Variants in PDK2 observed in about 807,000 individuals in gnomAD.
PDK2 encodes pyruvate dehydrogenase kinase 2, also known as pyruvate dehydrogenase kinase, isozyme 2.
PDK2 carries 34 observed loss-of-function variants against 50.4 expected under a neutral mutation model. That is an observed-to-expected ratio of 0.68 (90% CI 0.51 to 0.90). The LOEUF is 0.90. PDK2 is among the 40% of genes least tolerant of loss of function. The probability of loss-of-function intolerance (pLI) is 0.00; values close to 1 mark genes in which losing one functional copy is unlikely to be tolerated. For missense variants in PDK2, 377 were observed against 544.5 expected, an observed-to-expected ratio of 0.69 and a Z score of 3.06; for synonymous variants, 232 against 216.0, an observed-to-expected ratio of 1.07 and a Z score of -0.65.
chr17:50,110,320 G>T lies in PDK2; in HGVS notation c.*223G>T. On this transcript the variant is annotated 3_prime_UTR_variant, in exon 11 of 11. Coordinates refer to ENST00000503176, the MANE Select transcript of PDK2 (RefSeq NM_002611.5). ...TGGCCTCCCTATCTCTGTGGGCGAT[G>T]CCTGAGGGTTAGGGATGTCTCCACC... The T allele has an allele frequency of 2.3e-6, 1 of 441,496 alleles. No homozygotes were observed. Among genetic ancestry groups the T allele is most frequent in the South Asian group, 5.0e-5 (1 of 20,136 alleles). 27.3% of individuals were successfully genotyped at this position (441,496 alleles called of 1,614,324 possible). A position where few individuals can be genotyped will look rare whatever the true frequency, so the allele number is the denominator to read the frequency against.
chr17:50,108,389 C>T lies in PDK2; in HGVS notation c.833C>T (p.Ala278Val), dbSNP rs1377439152. 1 of 1,613,830 alleles carries T rather than the reference C, an allele frequency of 6.2e-7. No homozygotes were observed. Among genetic ancestry groups the T allele is most frequent in the Non-Finnish European group, 8.5e-7 (1 of 1,179,746 alleles). The change falls in exon 8 of 11, where the codon GCC becomes GTC. Residue 278 changes from alanine to valine, a missense_variant. Physicochemically the swap from Ala to Val is moderately conservative, Grantham distance 64. Around this residue, in one of 3 missense-constraint regions of PDK2, gnomAD observed 214 missense variants for 294.0 expected, o/e 0.73. Transcript: ENST00000503176. ...CTCCCACCCATCAAGGTCATGGTGG[C>T]CTTGGGTGAGGAAGATCTGTCCATC... is the stretch of plus-strand genomic sequence containing the variant. ...LILPPIKVMVALGEEDLSIKM... is the reference protein window; with the variant it reads ...LILPPIKVMVVLGEEDLSIKM...
At position 50,108,351 on chromosome 17, in the gene PDK2, G is replaced by C. The variant is rs576054151; in HGVS notation, c.795G>C (p.Glu265Asp). 2.2e-5 allele frequency: 35 copies of C among 1,614,154 alleles called. No individual in the cohort carries two copies. In the South Asian group the frequency reaches 3.7e-4, roughly 17 times the overall value. Reference protein sequence around the residue: ...NAMRATVESHESSLILPPIKV... With the variant: ...NAMRATVESHDSSLILPPIKV... The stretch of plus-strand genomic sequence containing the variant: ...TGAGGGCGACTGTGGAAAGCCATGA[G>C]TCCAGCCTCATTCTCCCACCCATCA... The change falls in exon 8 of 11, where the codon GAG becomes GAC. Residue 265 changes from glutamate (E) to aspartate (D), a missense_variant. This residue lies in a region of PDK2 where 214 missense variants were observed against 294.0 expected (regional missense o/e 0.73). Transcript: ENST00000503176.
At position 50,110,153 on chromosome 17, in the gene PDK2, C is replaced by A; in HGVS notation, c.*56C>A. 1.3e-6 allele frequency: 2 copies of A among 1,504,296 alleles called. No homozygotes were observed. Among genetic ancestry groups the A allele is most frequent in the South Asian group, 1.3e-5 (1 of 77,852 alleles). 93.2% of individuals were successfully genotyped at this position (1,504,296 alleles called of 1,614,324 possible). A position where few individuals can be genotyped will look rare whatever the true frequency, so the allele number is the denominator to read the frequency against. On this transcript the variant is annotated 3_prime_UTR_variant, in exon 11 of 11. Transcript: ENST00000503176. ...GGACTGCCGCCTCTGGGTCCCCCCA[C>A]CGTGGTGCCCCTCACCATCCTCCTG...
At position 50,108,191 on chromosome 17, in the gene PDK2, G is replaced by T; in HGVS notation, c.721G>T (p.Val241Phe). Reference sequence around the variant, plus strand: ...CAAACAGCCGATTCACATGGTCTACGTCCCCTCCCACCTCTACCACATGCT... The same window carrying T: ...CAAACAGCCGATTCACATGGTCTACTTCCCCTCCCACCTCTACCACATGCT... Reference protein sequence around the residue: ...NSKQPIHMVYVPSHLYHMLFE... With the variant: ...NSKQPIHMVYFPSHLYHMLFE... The change falls in exon 7 of 11, where the codon GTC becomes TTC. Residue 241 changes from valine to phenylalanine, a missense_variant. By Grantham distance (50) the Val-to-Phe change is conservative (BLOSUM62 -1). Coordinates refer to ENST00000503176, the MANE Select transcript of PDK2 (RefSeq NM_002611.5). 6.3e-7 allele frequency: 1 copy of T among 1,598,130 alleles called. No homozygotes were observed. Among genetic ancestry groups the T allele is most frequent in the Admixed American group, 1.7e-5 (1 of 57,892 alleles).
At position 50,110,015 on chromosome 17, in the gene PDK2, A is replaced by G. The variant is rs1335841545; in HGVS notation, c.1142A>G (p.His381Arg). The G allele has an allele frequency of 6.2e-7, 1 of 1,605,486 alleles. No individual in the cohort carries two copies. The highest frequency in any genetic ancestry group is 8.5e-7 in the Non-Finnish European group (1 of 1,176,424). ...GTCTACAACAAGTCAGCCTGGCGCC[A>G]CTACCAGACCATCCAGGAGGCCGGC... ...LPVYNKSAWR[H>R]YQTIQEAGDW... Residue 381 changes from histidine (H) to arginine (R), a missense_variant, in exon 11 of 11, where the codon CAC (histidine) becomes CGC (arginine). By Grantham distance (29) the His-to-Arg change is conservative (BLOSUM62 0). Transcript: ENST00000503176.
rs1004378550 is a variant in PDK2 at position 50,109,057 on chromosome 17, T to G, written c.970-230T>G. ...GGGCCTGCTCTGACTTCCTGGCCCC[T>G]GAGCGGAACTCCTCTCTCTGCCCAA... On this transcript the variant is annotated intron_variant, in intron 9 of 10. Coordinates refer to ENST00000503176, the MANE Select transcript of PDK2 (RefSeq NM_002611.5). The surrounding 1 kb of genome is among the most constrained non-coding windows in gnomAD (Gnocchi z 5.0). Among the ~76,000 whole-genome samples, 1 of 152,118 alleles carries G rather than the reference T, an allele frequency of 6.6e-6. No homozygotes were observed. The highest frequency in any genetic ancestry group is 1.5e-5 in the Non-Finnish European group (1 of 67,998).
At chr17:50,097,861 C>A in intron 2 of PDK2, 1 of 325,074 alleles carries the variant, frequency 3.1e-6, no homozygotes, top group Non-Finnish European at 5.8e-6. Flanking sequence ...CCAATTCAGG[C>A]TGATGTCAGC....
Position 50,095,526 on chromosome 17 carries a change from C to T in PDK2, c.91C>T (p.Leu31=). 1.2e-6 allele frequency: 2 copies of T among 1,607,136 alleles called. No individual in the cohort carries two copies. The highest frequency in any genetic ancestry group is 8.5e-7 in the Non-Finnish European group (1 of 1,176,906). The change falls in exon 1 of 11, where the codon CTG becomes TTG. Residue 31 remains leucine, a synonymous_variant. Coordinates refer to ENST00000503176, the MANE Select transcript of PDK2 (RefSeq NM_002611.5). ...CTTCAGCAAGTTCTCCCCGTCCCCG[C>T]TGTCCATGAAGCAGTTTCTGGACTT... ...EHFSKFSPSP[L]SMKQFLDFGS...
intron 1 of PDK2, among the ~76,000 whole-genome samples, 176 bp from the exon 2 acceptor site, chr17:50,097,247 G>C (rs1050939441): frequency 1.3e-5 from 2 of 152,168 alleles, no homozygotes; most frequent in African/African-American, 4.8e-5. Context: ...TGAAGTGTTA[G>C]GCATGGGGTG....
chr17:50,108,559 G>A (rs1334209301), intron 8 of PDK2, 53 bp from the exon 9 acceptor site: 33 of 1,452,898 alleles, frequency 2.3e-5, no homozygotes, highest in Middle Eastern at 1.7e-4. Context: ...GGTATTGGGC[G>A]GGGTGGGGAA....
chr17:50,109,738 G>A lies in PDK2; in HGVS notation c.1084-219G>A, dbSNP rs2144378258. Among the ~76,000 whole-genome samples, 1 of 152,222 alleles carries A rather than the reference G, an allele frequency of 6.6e-6. No homozygotes were observed. The highest frequency in any genetic ancestry group is 2.4e-5 in the African/African-American group (1 of 41,540). ...GGCCCGGAGTCCGTGACTTGCTCAG[G>A]GTCACACAGCCCAGCCTCCTCCCCC... is the stretch of plus-strand genomic sequence containing the variant. On this transcript the variant is annotated intron_variant, in intron 10 of 10. Transcript: ENST00000503176. The surrounding 1 kb of genome is among the most constrained non-coding windows in gnomAD (Gnocchi z 5.0).
Position 50,106,805 on chromosome 17 carries a change from GAT to G in PDK2, c.530_531del (p.Asp177GlyfsTer22). The G allele has an allele frequency of 6.2e-7, 1 of 1,614,102 alleles. No individual in the cohort carries two copies. The highest frequency in any genetic ancestry group is 8.5e-7 in the Non-Finnish European group (1 of 1,179,998). On this transcript the variant is annotated frameshift_variant, in exon 5 of 11. Transcript: ENST00000503176. LOFTEE classifies it high-confidence loss of function. ...MLINQHTLIF[D>X]GSTNPAHPKH... The stretch of plus-strand genomic sequence containing the variant: ...CTTCCTGCCTGCAGCCCTCATCTTT[GAT>G]GGCAGCACCAACCCAGCCCATCCCA...
At position 50,108,314 on chromosome 17, in the gene PDK2, C is replaced by T. The variant is rs201070337; in HGVS notation, c.763-5C>T. 1,114 of 1,613,180 alleles carry T rather than the reference C, an allele frequency of 6.9e-4. 11 individuals are homozygous for T. In the African/African-American group the frequency reaches 0.013, roughly 18 times the overall value. ...CATGCATCTCTTACCTCTGCCCCTC[C>T]GCAGAATGCCATGAGGGCGACTGTG... On this transcript the variant is annotated splice_polypyrimidine_tract_variant and splice_region_variant and intron_variant, in intron 7 of 10. Transcript: ENST00000503176.
chr17:50,108,843 C>G (rs2144375201), intron 9 of PDK2, 124 bp downstream of exon 9: 1 of 657,772 alleles, frequency 1.5e-6, no homozygotes, highest in African/African-American at 1.8e-5. Context: ...TGTCTTGAAT[C>G]TGGGCCCCCG....
chr17:50,108,792 C>T (rs1376837343), intron 9 of PDK2, 73 bp downstream of exon 9: 3 of 918,430 alleles, frequency 3.3e-6, no homozygotes, highest in African/African-American at 1.6e-5. Context: ...CCTTATCTCC[C>T]TGCTCACTCA....
At chr17:50,099,399 A>G (rs1171447622) in intron 2 of PDK2, among the ~76,000 whole-genome samples, 1 of 152,190 alleles carries the variant, frequency 6.6e-6, no homozygotes, top group Non-Finnish European at 1.5e-5. Context: ...TGACACAGAT[A>G]AGAGGTTGGC....
Position 50,105,984 on chromosome 17 carries a change from C to T in PDK2, c.432C>T (p.Asp144=). 1 of 1,611,950 alleles carries T rather than the reference C, an allele frequency of 6.2e-7. No individual in the cohort carries two copies. The highest frequency in any genetic ancestry group is 8.5e-7 in the Non-Finnish European group (1 of 1,179,116). Residue 144 remains aspartate (D), a synonymous_variant, in exon 4 of 11, where the codon GAC becomes GAT. Transcript: ENST00000503176. The part of the protein sequence containing the change: ...VLEYKDTYGD[D]PVSNQNIQYF... ...AGTACAAGGACACCTACGGCGATGA[C>T]CCCGTCTCCAACCAGAACATCCAGT...
chr17:50,108,408 G>A lies in PDK2; in HGVS notation c.852G>A (p.Leu284=). 2 of 1,612,534 alleles carry A rather than the reference G, an allele frequency of 1.2e-6. No homozygotes were observed. The highest frequency in any genetic ancestry group is 1.7e-6 in the Non-Finnish European group (2 of 1,178,554). The change falls in exon 8 of 11, where the codon CTG becomes CTA. Residue 284 remains leucine, a synonymous_variant. Transcript: ENST00000503176. The stretch of plus-strand genomic sequence containing the variant: ...TGGTGGCCTTGGGTGAGGAAGATCT[G>A]TCCATCAAGGTATGTGACCCTTTGA... ...KVMVALGEED[L]SIKMSDRGGG... is the part of the protein sequence containing the mutation.
chr17:50,102,336 C>T (rs373459840), intron 2 of PDK2, among the ~76,000 whole-genome samples: 8 of 152,234 alleles, frequency 5.3e-5, no homozygotes, highest in East Asian at 1.9e-4. Flanking sequence ...TCAGTGGCCA[C>T]GTGACCAGGC....
Sources: allele counts gnomAD v4.1 joint callset (sites outside exome capture counted in the v4.1 genomes callset), GRCh38; gene constraint gnomAD v4.1.1; regional missense constraint gnomAD v4.1.1; non-coding constraint Gnocchi (gnomAD v3.1); transcripts MANE v1.5; gene names NCBI Gene and HGNC (gene_info 2026-07-23, HGNC 2026-07-21).